F8: variants seen among roughly 807,000 people sequenced by gnomAD.
F8 encodes the protein coagulation factor VIII, also known as antihemophilic factor.
Under a neutral mutation model 140.6 loss-of-function variants are expected in F8, and 12 were observed. That is an observed-to-expected ratio of 0.09 (90% CI 0.05 to 0.14). The LOEUF is 0.14. Ranked by LOEUF, F8 falls within the 10% of genes least tolerant of loss-of-function variation. F8 has a pLI of 1.00. For synonymous variants in F8, 585 were observed against 614.6 expected, an observed-to-expected ratio of 0.95 and a Z score of 0.71; for missense variants, 1,354 against 1,720.7, an observed-to-expected ratio of 0.79 and a Z score of 3.77.
intron 13 of F8, among the ~76,000 whole-genome samples, chrX:154,934,975 C>A (rs2073215805): frequency 9.1e-6 from 1 of 110,008 alleles, no homozygotes; most frequent in Non-Finnish European, 1.9e-5. Context: ...CCAGCCTGGG[C>A]AACAAAGCAA....
intron 25 of F8, among the ~76,000 whole-genome samples, chrX:154,851,879 G>A (rs1289232059): frequency 9.0e-6 from 1 of 111,059 alleles, no homozygotes; most frequent in African/African-American, 3.3e-5. Flanking sequence ...TCTTGATAGT[G>A]TTCTTTGATG....
chrX:154,981,280 T>TTAAC (rs1370453481), intron 6 of F8, among the ~76,000 whole-genome samples: 3 of 111,065 alleles, frequency 2.7e-5, no homozygotes, highest in Non-Finnish European at 5.7e-5. Flanking sequence ...TCAGGTTTTC[T>TTAAC]TAACTCTTCT....
At chrX:154,971,247 C>A (rs1266706804) in intron 6 of F8, among the ~76,000 whole-genome samples, 1 of 111,670 alleles carries the variant, frequency 9.0e-6, no homozygotes, top group Admixed American at 9.5e-5. Flanking sequence ...AATTATATCG[C>A]CAGTCTAATT....
At chrX:155,019,177 T>C (rs1282609633) in intron 1 of F8, among the ~76,000 whole-genome samples, 1 of 112,005 alleles carries the variant, frequency 8.9e-6, no homozygotes, top group Admixed American at 9.5e-5. Flanking sequence ...ATGATAAACA[T>C]TTTGTGGCAA....
intron 13 of F8, among the ~76,000 whole-genome samples, chrX:154,941,177 A>C (rs181222500): frequency 0.022 from 2,443 of 111,815 alleles, 21 homozygotes; most frequent in Middle Eastern, 0.042. Flanking sequence ...ATTAACTTTA[A>C]ATGTAAATGG....
chrX:154,999,439 A>G, intron 2 of F8, 40 bp downstream of exon 2: 1 of 1,181,913 alleles, frequency 8.5e-7, no homozygotes, highest in Non-Finnish European at 1.1e-6. Flanking sequence ...AAAATAAGAT[A>G]CCCAATTTCA....
intron 13 of F8, among the ~76,000 whole-genome samples, chrX:154,938,923 C>T (rs1256713227): frequency 2.7e-5 from 3 of 109,304 alleles, no homozygotes; most frequent in African/African-American, 1.0e-4. Flanking sequence ...TTATATAAAA[C>T]AATAATAATG....
intron 11 of F8, 97 bp downstream of exon 11, chrX:154,956,860 T>C (rs1221205625): frequency 1.3e-6 from 1 of 760,449 alleles, no homozygotes; most frequent in African/African-American, 2.1e-5. Context: ...GCTCATTTCT[T>C]TTACTGACCT....
intron 13 of F8, among the ~76,000 whole-genome samples, chrX:154,939,659 A>G (rs1424972521): frequency 9.8e-5 from 11 of 112,487 alleles, no homozygotes; most frequent in Admixed American, 3.7e-4. Context: ...ACAGCTTTGA[A>G]GAGAGTAGTG....
At chrX:155,012,689 A>G (rs1200840187) in intron 1 of F8, among the ~76,000 whole-genome samples, 1 of 110,518 alleles carries the variant, frequency 9.0e-6, no homozygotes, top group Non-Finnish European at 1.9e-5. Context: ...ACCTATTAAA[A>G]ATAGAATTCA....
chrX:154,854,897 C>T (rs1320199126), intron 25 of F8, among the ~76,000 whole-genome samples: 27 of 111,142 alleles, frequency 2.4e-4, no homozygotes, highest in African/African-American at 8.5e-4. Context: ...TTTGGGAGGC[C>T]GAGGTGGATG....
At chrX:154,850,269 C>A (rs1348687184) in intron 25 of F8, among the ~76,000 whole-genome samples, 2 of 109,553 alleles carry the variant, frequency 1.8e-5, no homozygotes, top group African/African-American at 3.3e-5. Flanking sequence ...GCTGGGATTA[C>A]AAGCGCATGC....
chrX:154,876,102 T>C (rs1338335734), intron 22 of F8, among the ~76,000 whole-genome samples: 1 of 107,309 alleles, frequency 9.3e-6, no homozygotes, highest in Non-Finnish European at 1.9e-5. Flanking sequence ...CACATCAGTT[T>C]AGTATCATGG....
rs1168245004 is a variant in F8 at position 154,928,131 on chromosome X, ACT to A, written c.5219+438_5219+439del. On this transcript the variant is annotated intron_variant, in intron 14 of 25. Transcript: ENST00000360256. ...TTCCATAAATATTTGTGACTGACTG[ACT>A]CTCCTTATGTTTATATTCCACATTT... Among the ~76,000 whole-genome samples, 10 of 110,721 alleles carry A rather than the reference ACT, an allele frequency of 9.0e-5. 1 individual carries two copies. The Admixed American group carries it at 9.6e-4, about 11-fold the overall frequency.
rs1043469719 is a variant in F8, at chrX:154,910,363, T to C, written c.5220-3790A>G. Among the ~76,000 whole-genome samples, 9 of 101,992 alleles carry C rather than the reference T, an allele frequency of 8.8e-5. No individual in the cohort carries two copies. The South Asian group carries it at 1.5e-3, about 17-fold the overall frequency. 88.6% of individuals were successfully genotyped at this position (101,992 alleles called of 115,157 possible). A position where few individuals can be genotyped will look rare whatever the true frequency, so the allele number is the denominator to read the frequency against. ...GCATGTTCTTAGTCATAGGTGGGAA[T>C]TGAACAATGAGAACACTTGGACACA... On this transcript the variant is annotated intron_variant, in intron 14 of 25. Transcript: ENST00000360256.
intron 18 of F8, 146 bp downstream of exon 18, chrX:154,903,760 G>T: frequency 2.0e-6 from 1 of 490,427 alleles, no homozygotes; most frequent in Non-Finnish European, 3.5e-6. Flanking sequence ...TGAACAAATG[G>T]TTTAAAAAGC....
At chrX:154,964,084 C>T (rs868987874) in intron 9 of F8, among the ~76,000 whole-genome samples, 1 of 110,480 alleles carries the variant, frequency 9.1e-6, no homozygotes, top group African/African-American at 3.3e-5. Flanking sequence ...GTGAAATGCA[C>T]ACACACACAC....
intron 14 of F8, among the ~76,000 whole-genome samples, chrX:154,920,987 C>A (rs782123115): frequency 7.2e-5 from 8 of 111,601 alleles, no homozygotes; most frequent in Admixed American, 3.8e-4. Flanking sequence ...TAATAAGCAT[C>A]CTCTTTCTTC....
At chrX:154,935,981 A>AAC (rs782071576) in intron 13 of F8, among the ~76,000 whole-genome samples, 9,453 of 88,135 alleles carry the variant, frequency 0.11, 871 homozygotes, top group African/African-American at 0.29. Flanking sequence ...ATGCCAAAGT[A>AAC]ACACACACAC....
Sources: allele counts gnomAD v4.1 joint callset (sites outside exome capture counted in the v4.1 genomes callset), GRCh38; gene constraint gnomAD v4.1.1; transcripts MANE v1.5; gene names NCBI Gene and HGNC (gene_info 2026-07-23, HGNC 2026-07-21).